The following CDH10 variants were observed in gnomAD, a reference collection of about 807,000 sequenced individuals.
CDH10 encodes the protein cadherin-10.
CDH10 carries 30 observed loss-of-function variants against 73.1 expected under a neutral mutation model. That is an observed-to-expected ratio of 0.41 (90% CI 0.31 to 0.56). CDH10 has a LOEUF of 0.56. Ranked by LOEUF, CDH10 falls within the 20% of genes least tolerant of loss-of-function variation. The pLI, the probability that CDH10 is intolerant of heterozygous loss-of-function variation, is 0.27. For synonymous variants in CDH10, 345 were observed against 348.2 expected (o/e 0.99, Z 0.10); for missense variants, 815 against 973.7 (o/e 0.84, Z 2.17).
rs150595829 is a variant in CDH10, at chr5:24,491,631, G to C, written c.1821C>G (p.Ala607=). 2 of 1,613,214 alleles carry C rather than the reference G, an allele frequency of 1.2e-6. No individual in the cohort carries two copies. Among genetic ancestry groups the C allele is most frequent in the Non-Finnish European group, 1.7e-6 (2 of 1,179,256 alleles). The change falls in exon 11 of 12, where the codon GCC becomes GCG. Residue 607 remains alanine, a synonymous_variant. Transcript: ENST00000264463. The stretch of plus-strand genomic sequence containing the variant: ...CGATCAAGGCCCCAGTGCTGAGGCC[G>C]GCAGGGAGGAGCAGGGCTTCAGCAC... ...SCSAEALLLP[A]GLSTGALIAI...
At chr5:24,573,456 C>A (rs1745472424) in intron 2 of CDH10, among the ~76,000 whole-genome samples, 1 of 151,908 alleles carries the variant, frequency 6.6e-6, no homozygotes, top group African/African-American at 2.4e-5. Flanking sequence ...AATCCCAGCA[C>A]TTTGGGAGGC....
At chr5:24,528,217 C>A (rs115117886) in intron 5 of CDH10, among the ~76,000 whole-genome samples, 2,212 of 151,836 alleles carry the variant, frequency 0.015, 54 homozygotes, top group African/African-American at 0.047. Context: ...TAAGTAGGTT[C>A]ATTTTTTTTC....
Position 24,504,506 on chromosome 5 carries a change from C to CTGTTTTTTTTTTTTTTTTTTTTTTT in CDH10, c.1393+605_1393+606insAAAAAAAAAAAAAAAAAAAAAAACA, listed in dbSNP as rs1554016940. 3.8e-4 allele frequency among the ~76,000 whole-genome samples: 25 copies of CTGTTTTTTTTTTTTTTTTTTTTTTT among 65,164 alleles called. 11 individuals are homozygous for CTGTTTTTTTTTTTTTTTTTTTTTTT. Among genetic ancestry groups the CTGTTTTTTTTTTTTTTTTTTTTTTT allele is most frequent in the South Asian group, 1.1e-3 (2 of 1,764 alleles). 42.8% of individuals were successfully genotyped at this position (65,164 alleles called of 152,430 possible). ...TATTAAATGCTTTTCTCCTATTAAT[C>CTGTTTTTTTTTTTTTTTTTTTTTTT]TTTTTTTTTTTTTTTTTTTTTTTTT... On this transcript the variant is annotated intron_variant, in intron 8 of 11. Coordinates refer to ENST00000264463, the MANE Select transcript of CDH10 (RefSeq NM_006727.5).
chr5:24,611,522 ATATAGT>A (rs1470892959), intron 1 of CDH10, among the ~76,000 whole-genome samples: 5 of 152,178 alleles, frequency 3.3e-5, no homozygotes, highest in African/African-American at 1.2e-4. Context: ...ATATCGAAAA[ATATAGT>A]TATAGTGAGA....
intron 5 of CDH10, among the ~76,000 whole-genome samples, chr5:24,516,358 A>G (rs1743108449): frequency 6.6e-6 from 1 of 152,026 alleles, no homozygotes; most frequent in South Asian, 2.1e-4. Flanking sequence ...CTTGGTGAAG[A>G]TATTTTGAGT....
intron 2 of CDH10, among the ~76,000 whole-genome samples, chr5:24,586,143 C>T (rs1441031309): frequency 1.3e-5 from 2 of 152,086 alleles, no homozygotes; most frequent in Non-Finnish European, 2.9e-5. Flanking sequence ...GCTCAATTTC[C>T]TACTTGATAA....
At chr5:24,502,933 T>C (rs1162146231) in intron 8 of CDH10, among the ~76,000 whole-genome samples, 1 of 152,112 alleles carries the variant, frequency 6.6e-6, no homozygotes. Flanking sequence ...ATCCACAGGG[T>C]ATTGAGCTTT....
chr5:24,499,470 G>C (rs148749623), intron 8 of CDH10: 1,766 of 152,680 alleles, frequency 0.012, 19 homozygotes, highest in Non-Finnish European at 0.018. Flanking sequence ...TGCATCACTT[G>C]AGGTCAGGAG....
chr5:24,625,494 C>A (rs1022556301), intron 1 of CDH10, among the ~76,000 whole-genome samples: 1 of 149,346 alleles, frequency 6.7e-6, no homozygotes, highest in Non-Finnish European at 1.5e-5. Flanking sequence ...GTGTGTATTA[C>A]GTCTTTAAAT....
chr5:24,506,520 C>A (rs929889084), intron 7 of CDH10, among the ~76,000 whole-genome samples: 2 of 152,200 alleles, frequency 1.3e-5, no homozygotes, highest in Non-Finnish European at 2.9e-5. Context: ...TTACCACCAT[C>A]TTTCCATTTA....
intron 2 of CDH10, among the ~76,000 whole-genome samples, chr5:24,541,577 T>TA: frequency 6.6e-6 from 1 of 152,200 alleles, no homozygotes; most frequent in African/African-American, 2.4e-5. Context: ...CCAAAAAACT[T>TA]AAAGCATCTA....
intron 5 of CDH10, among the ~76,000 whole-genome samples, chr5:24,523,031 G>A (rs1004107317): frequency 5.9e-5 from 9 of 151,538 alleles, no homozygotes; most frequent in Non-Finnish European, 1.2e-4. Context: ...ACACGCAAAG[G>A]AAACCTTTCA....
In CDH10 at chr5:24,593,318, C is replaced by T. The variant is rs2112092625; in HGVS notation, c.173G>A (p.Trp58Ter). 6.2e-7 allele frequency: 1 copy of T among 1,612,902 alleles called. No individual in the cohort carries two copies. Among genetic ancestry groups the T allele is most frequent in the Non-Finnish European group, 8.5e-7 (1 of 1,179,124 alleles). Reference protein sequence around the residue: ...ILHRQKRGWMWNQFFLLEEYT... With the variant: ...ILHRQKRGWM Reference sequence around the variant, plus strand: ...TTCTTCAAGTAAGAAAAATTGATTCCACATCCAACCACGTTTTTGACGATG... The same window carrying T: ...TTCTTCAAGTAAGAAAAATTGATTCTACATCCAACCACGTTTTTGACGATG... The change falls in exon 2 of 12, where the codon TGG (tryptophan) becomes TAG (stop). Residue 58 changes from tryptophan to a stop codon, truncating the protein, a stop_gained. Coordinates refer to ENST00000264463, the MANE Select transcript of CDH10 (RefSeq NM_006727.5). LOFTEE classifies it high-confidence loss of function.
chr5:24,529,641 T>C (rs1293490431), intron 5 of CDH10, among the ~76,000 whole-genome samples: 1 of 151,982 alleles, frequency 6.6e-6, no homozygotes, highest in Non-Finnish European at 1.5e-5. Flanking sequence ...TCATATCAAA[T>C]CTCACTTAAT....
intron 1 of CDH10, among the ~76,000 whole-genome samples, chr5:24,630,162 A>G (rs1747655161): frequency 6.6e-6 from 1 of 152,118 alleles, no homozygotes; most frequent in African/African-American, 2.4e-5. Context: ...AACAACTCAG[A>G]GCAGATGATG....
intron 5 of CDH10, among the ~76,000 whole-genome samples, chr5:24,527,661 T>C (rs1743582605): frequency 6.6e-6 from 1 of 151,908 alleles, no homozygotes; most frequent in Non-Finnish European, 1.5e-5. Flanking sequence ...TATTTGTGTG[T>C]CTAAACATAG....
chr5:24,552,346 G>A (rs951948633), intron 2 of CDH10, among the ~76,000 whole-genome samples: 2 of 151,632 alleles, frequency 1.3e-5, no homozygotes, highest in Admixed American at 6.6e-5. Flanking sequence ...ATTGAAGAAA[G>A]GTCATTATAC....
intron 2 of CDH10, among the ~76,000 whole-genome samples, chr5:24,587,509 T>A (rs1384611059): frequency 6.6e-6 from 1 of 152,158 alleles, no homozygotes; most frequent in East Asian, 1.9e-4. Flanking sequence ...TATGTACTTG[T>A]GTGAATTATG....
chr5:24,637,662 C>T (rs1179442320), intron 1 of CDH10, among the ~76,000 whole-genome samples: 1 of 151,682 alleles, frequency 6.6e-6, no homozygotes, highest in South Asian at 2.1e-4. Context: ...GTATAGATAA[C>T]AGGATACCAG....
Sources: gnomAD v4.1 joint callset for allele counts (sites outside exome capture counted in the v4.1 genomes callset) on GRCh38, gnomAD v4.1.1 for gene constraint, MANE v1.5 for transcripts, NCBI Gene and HGNC (gene_info 2026-07-23, HGNC 2026-07-21) for gene names.